The following PSMA1 variants were observed in gnomAD, a reference collection of about 807,000 sequenced individuals.
The protein encoded by PSMA1 is proteasome 20S subunit alpha 1, also known as proteasome subunit alpha type-1.
A neutral mutation model predicts 38.4 loss-of-function variants in PSMA1; 3 were observed. The ratio of observed to expected loss-of-function variants is 0.08; its 90% CI spans 0.04 to 0.20. The LOEUF (loss-of-function observed/expected upper bound fraction) is 0.20. Among genes scored for constraint, PSMA1 ranks in the 10% least tolerant of loss-of-function variants. The pLI is 1.00. For missense variants in PSMA1, 227 were observed against 325.3 expected, an observed-to-expected ratio of 0.70 and a Z score of 2.32; for synonymous variants, 101 against 107.1, an observed-to-expected ratio of 0.94 and a Z score of 0.35.
chr11:14,508,144 GCCTTAGTGGTTC>G (rs1208234244), intron 8 of PSMA1, among the ~76,000 whole-genome samples: 1 of 152,010 alleles, frequency 6.6e-6, no homozygotes, highest in African/African-American at 2.4e-5. Context: ...CTTCAAGTAG[GCCTTAGTGGTTC>G]CTGGATCCCA....
At chr11:14,641,788 C>T (rs1037142447) in intron 1 of PSMA1, among the ~76,000 whole-genome samples, 15 of 152,196 alleles carry the variant, frequency 9.9e-5, no homozygotes, top group Admixed American at 6.5e-5. Flanking sequence ...AAAGGTTGCT[C>T]TTGGCTCTTG....
At chr11:14,643,308 G>C (rs980734782) in intron 1 of PSMA1, 2 of 152,068 alleles carry the variant, frequency 1.3e-5, no homozygotes, top group Non-Finnish European at 2.9e-5. Flanking sequence ...CACCCTGAAA[G>C]GGACTAAGGT....
At chr11:14,521,331 T>TAAAA (rs66563523), upstream of PSMA1, among the ~76,000 whole-genome samples, 5 of 132,220 alleles carry the variant, frequency 3.8e-5, no homozygotes, top group African/African-American at 1.2e-4. Flanking sequence ...AGAATAAGAA[T>TAAAA]AATAAAAAAA....
chr11:14,549,230 G>T (rs1398195240), intron 2 of PSMA1, among the ~76,000 whole-genome samples: 2 of 152,090 alleles, frequency 1.3e-5, no homozygotes, highest in Non-Finnish European at 2.9e-5. Context: ...AAATCTTCTG[G>T]ATATGGATTA....
chr11:14,518,020 A>T, intron 2 of PSMA1, 39 bp from the exon 3 acceptor site: 3 of 1,382,610 alleles, frequency 2.2e-6, no homozygotes, highest in Non-Finnish European at 3.0e-6. Context: ...ATCTTAGAAG[A>T]TCTTTTATAA....
chr11:14,604,422 C>T (rs988243863), intron 2 of PSMA1, among the ~76,000 whole-genome samples: 1 of 152,078 alleles, frequency 6.6e-6, no homozygotes, highest in Non-Finnish European at 1.5e-5. Context: ...TATATTCAGG[C>T]CTTTCTAGGG....
At chr11:14,592,380 A>C (rs202125683) in intron 2 of PSMA1, among the ~76,000 whole-genome samples, 15,701 of 107,762 alleles carry the variant, frequency 0.15, 988 homozygotes, top group African/African-American at 0.24. Context: ...CTCTCTCTAT[A>C]TATATATATA....
chr11:14,521,878 T>C (rs544611746), upstream of PSMA1, among the ~76,000 whole-genome samples: 4 of 152,216 alleles, frequency 2.6e-5, no homozygotes, highest in South Asian at 8.3e-4. Context: ...TCAACACTGG[T>C]TATTGTCGTA....
intron 1 of PSMA1, among the ~76,000 whole-genome samples, chr11:14,620,355 C>T (rs551765091): frequency 6.6e-6 from 1 of 152,272 alleles, no homozygotes; most frequent in South Asian, 2.1e-4. Flanking sequence ...CAGGTGACTT[C>T]ACTTGCAAGG....
At chr11:14,616,376 C>T (rs1852774054) in intron 1 of PSMA1, among the ~76,000 whole-genome samples, 1 of 151,786 alleles carries the variant, frequency 6.6e-6, no homozygotes, top group East Asian at 1.9e-4. Flanking sequence ...TGATTACAGG[C>T]AAGCACTACC....
intron 1 of PSMA1, among the ~76,000 whole-genome samples, chr11:14,633,739 A>T (rs1185957033): frequency 6.6e-6 from 1 of 151,988 alleles, no homozygotes; most frequent in Non-Finnish European, 1.5e-5. Flanking sequence ...CCCCCAGCCT[A>T]ACTGCCGCCT....
intron 2 of PSMA1, among the ~76,000 whole-genome samples, chr11:14,562,642 T>C (rs1852023126): frequency 6.6e-6 from 1 of 151,976 alleles, no homozygotes; most frequent in South Asian, 2.1e-4. Context: ...TTTTTTTTTT[T>C]GAGACAGGGT....
At chr11:14,592,176 G>A (rs1033989802) in intron 2 of PSMA1, among the ~76,000 whole-genome samples, 2 of 152,056 alleles carry the variant, frequency 1.3e-5, no homozygotes, top group Non-Finnish European at 2.9e-5. Flanking sequence ...ACAAACTCCA[G>A]ACGCGCCACC....
At chr11:14,618,735 T>C (rs969753003) in intron 1 of PSMA1, among the ~76,000 whole-genome samples, 1 of 152,234 alleles carries the variant, frequency 6.6e-6, no homozygotes, top group African/African-American at 2.4e-5. Flanking sequence ...TCCAATGAGT[T>C]AAGTTCATAC....
chr11:14,632,740 T>C (rs1853041120), intron 1 of PSMA1, among the ~76,000 whole-genome samples: 1 of 148,328 alleles, frequency 6.7e-6, no homozygotes. Flanking sequence ...GAAGTTCTCC[T>C]GGATAATATC....
At chr11:14,606,226 CATTGGT>C (rs1219374512) in intron 2 of PSMA1, among the ~76,000 whole-genome samples, 1 of 152,050 alleles carries the variant, frequency 6.6e-6, no homozygotes, top group Non-Finnish European at 1.5e-5. Flanking sequence ...TCTTCTGTTC[CATTGGT>C]CTATGTGTTT....
chr11:14,538,325 G>A (rs1371630527), intron 2 of PSMA1, among the ~76,000 whole-genome samples: 1 of 152,104 alleles, frequency 6.6e-6, no homozygotes, highest in African/African-American at 2.4e-5. Context: ...AAGACTCTCG[G>A]TTTGGGTCTT....
upstream of PSMA1, among the ~76,000 whole-genome samples, chr11:14,522,581 GTTTC>G (rs750690131): frequency 4.6e-5 from 7 of 152,162 alleles, no homozygotes; most frequent in Admixed American, 6.5e-5. Context: ...AAGAAAACCT[GTTTC>G]TTTAATTTTT....
intron 2 of PSMA1, among the ~76,000 whole-genome samples, chr11:14,558,807 T>C (rs142829286): frequency 2.0e-5 from 3 of 152,376 alleles, no homozygotes; most frequent in African/African-American, 7.2e-5. Flanking sequence ...CTTTGAAGAC[T>C]GGCTGGTTGA....
Sources: allele counts gnomAD v4.1 joint callset (sites outside exome capture counted in the v4.1 genomes callset), GRCh38; gene constraint gnomAD v4.1.1; transcripts MANE v1.5; gene names NCBI Gene and HGNC (gene_info 2026-07-23, HGNC 2026-07-21).